The following PCDH15 variants were observed in gnomAD, a reference collection of about 807,000 sequenced individuals.
PCDH15 encodes the protein protocadherin related 15.
In PCDH15, 129 loss-of-function variants were observed where a neutral mutation model predicts 178.5. The ratio of observed to expected loss-of-function variants is 0.72; its 90% CI spans 0.63 to 0.84. The LOEUF (loss-of-function observed/expected upper bound fraction) is 0.84. Among genes scored for constraint, PCDH15 ranks in the 40% least tolerant of loss-of-function variants. PCDH15 has a pLI of 0.00. For missense variants in PCDH15, 2,230 were observed against 2,099.9 expected (o/e 1.06, Z -1.21); for synonymous variants, 800 against 732.0 (o/e 1.09, Z -1.50).
At chr10:54,539,350 C>G (rs1308534411) in intron 2 of PCDH15, among the ~76,000 whole-genome samples, 4 of 152,066 alleles carry the variant, frequency 2.6e-5, no homozygotes, top group Admixed American at 1.3e-4. Context: ...AATAAAACAG[C>G]TTTTAAACCA....
At chr10:54,901,944 CTA>C (rs1254233178) in intron 2 of PCDH15, among the ~76,000 whole-genome samples, 1 of 151,306 alleles carries the variant, frequency 6.6e-6, no homozygotes, top group African/African-American at 2.4e-5. Flanking sequence ...TGAAGGTCTT[CTA>C]TATATATATT....
At chr10:53,999,188 T>C (rs914199679) in intron 20 of PCDH15, among the ~76,000 whole-genome samples, 1 of 152,210 alleles carries the variant, frequency 6.6e-6, no homozygotes, top group African/African-American at 2.4e-5. Flanking sequence ...TTCTGTCTTA[T>C]GGTCTAGCAT....
intron 1 of PCDH15, among the ~76,000 whole-genome samples, chr10:54,727,491 A>AAGTC (rs150359351): frequency 0.12 from 18,412 of 151,438 alleles, 1,242 homozygotes; most frequent in African/African-American, 0.17. Context: ...CCACATCAAA[A>AAGTC]AGACAGATTT....
chr10:54,390,393 C>T (rs1950410747), intron 3 of PCDH15, among the ~76,000 whole-genome samples: 1 of 152,036 alleles, frequency 6.6e-6, no homozygotes, highest in South Asian at 2.1e-4. Context: ...CTGGGGTTCA[C>T]GCCATTCTTC....
At chr10:54,209,426 G>A (rs1431252117) in intron 10 of PCDH15, among the ~76,000 whole-genome samples, 1 of 152,082 alleles carries the variant, frequency 6.6e-6, no homozygotes, top group Non-Finnish European at 1.5e-5. Context: ...AGATATTCAA[G>A]AGGATTTCAA....
At chr10:54,247,953 TATATATACAC>T (rs2056136774) in intron 8 of PCDH15, among the ~76,000 whole-genome samples, 2 of 147,006 alleles carry the variant, frequency 1.4e-5, no homozygotes, top group African/African-American at 5.1e-5. Context: ...TATATATATA[TATATATACAC>T]ATACAGTAAA....
chr10:54,036,470 A>G (rs2093418789), intron 18 of PCDH15, among the ~76,000 whole-genome samples: 2 of 113,752 alleles, frequency 1.8e-5, no homozygotes, highest in South Asian at 5.1e-4. Flanking sequence ...TCTGTGATCA[A>G]TAAATGGAAT....
chr10:54,824,614 G>A (rs1238509423), intron 3 of PCDH15, among the ~76,000 whole-genome samples: 2 of 152,108 alleles, frequency 1.3e-5, no homozygotes, highest in Non-Finnish European at 2.9e-5. Context: ...GCAAAAACAT[G>A]GTAGATGAAG....
intron 2 of PCDH15, among the ~76,000 whole-genome samples, chr10:54,531,709 T>C (rs2083944299): frequency 6.6e-6 from 1 of 152,186 alleles, no homozygotes; most frequent in South Asian, 2.1e-4. Flanking sequence ...TATATTAACA[T>C]AGTAATTGCC....
intron 2 of PCDH15, among the ~76,000 whole-genome samples, chr10:55,525,400 T>C (rs1351587749): frequency 6.6e-6 from 1 of 151,884 alleles, no homozygotes; most frequent in African/African-American, 2.4e-5. Context: ...ATTTTTATAA[T>C]AGTGAAAGTC....
At chr10:54,302,925 C>G (rs545266827) in intron 8 of PCDH15, among the ~76,000 whole-genome samples, 1 of 152,012 alleles carries the variant, frequency 6.6e-6, no homozygotes, top group Non-Finnish European at 1.5e-5. Context: ...TTTCATGTAC[C>G]CCATAAATAT....
At chr10:55,595,464 T>G (rs115867873) in intron 2 of PCDH15, among the ~76,000 whole-genome samples, 2,471 of 152,176 alleles carry the variant, frequency 0.016, 71 homozygotes, top group African/African-American at 0.057. Flanking sequence ...GAAAACTGTT[T>G]AAGCTCCTGA....
At chr10:55,408,559 A>G (rs540321258) in intron 2 of PCDH15, among the ~76,000 whole-genome samples, 1 of 152,294 alleles carries the variant, frequency 6.6e-6, no homozygotes, top group African/African-American at 2.4e-5. Flanking sequence ...TCAAGAACAT[A>G]AATTTGAGAA....
intron 16 of PCDH15, among the ~76,000 whole-genome samples, chr10:54,088,369 T>TA (rs1461597023): frequency 1.3e-5 from 2 of 152,194 alleles, no homozygotes; most frequent in African/African-American, 4.8e-5. Context: ...TTTAAAGAAA[T>TA]ATCTATTCAA....
chr10:54,522,097 A>C (rs1009531822), intron 3 of PCDH15, among the ~76,000 whole-genome samples: 2 of 151,628 alleles, frequency 1.3e-5, no homozygotes, highest in African/African-American at 4.8e-5. Context: ...CAAAAAAAAA[A>C]AAAAAAAAAA....
At chr10:55,503,676 G>T (rs1414241754) in intron 2 of PCDH15, among the ~76,000 whole-genome samples, 2 of 151,234 alleles carry the variant, frequency 1.3e-5, no homozygotes, top group Non-Finnish European at 3.0e-5. Context: ...ATATGAAAAG[G>T]TGCTCCATAT....
chr10:54,300,343 T>C (rs1052714563), intron 8 of PCDH15, among the ~76,000 whole-genome samples: 3 of 152,208 alleles, frequency 2.0e-5, no homozygotes, highest in African/African-American at 7.2e-5. Context: ...TTGGGCCCTG[T>C]ATTTTTAACC....
intron 2 of PCDH15, among the ~76,000 whole-genome samples, chr10:55,095,627 G>C (rs1002187471): frequency 6.6e-6 from 1 of 151,976 alleles, no homozygotes; most frequent in African/African-American, 2.4e-5. Flanking sequence ...CAGTTTTTAA[G>C]ATTATTTAAT....
chr10:55,229,643 C>T (rs1841154828), intron 1 of PCDH15, among the ~76,000 whole-genome samples: 1 of 152,010 alleles, frequency 6.6e-6, no homozygotes, highest in Admixed American at 6.6e-5. Flanking sequence ...AATAAGACTA[C>T]TGGCCCAAAT....
Sources: gnomAD v4.1 joint callset for allele counts (sites outside exome capture counted in the v4.1 genomes callset) on GRCh38, gnomAD v4.1.1 for gene constraint, MANE v1.5 for transcripts, NCBI Gene and HGNC (gene_info 2026-07-23, HGNC 2026-07-21) for gene names.